The following LRP1B variants were observed in gnomAD, a reference collection of about 807,000 sequenced individuals.
The protein encoded by LRP1B is LDL receptor related protein 1B, also known as low-density lipoprotein receptor-related protein 1B.
LRP1B carries 217 observed loss-of-function variants against 556.6 expected under a neutral mutation model. That is an observed-to-expected ratio of 0.39 (90% CI 0.35 to 0.44). The LOEUF is 0.44. Among genes scored for constraint, LRP1B ranks in the 20% least tolerant of loss-of-function variants. The probability of loss-of-function intolerance (pLI) is 1.00; values close to 1 mark genes in which losing one functional copy is unlikely to be tolerated. For missense variants in LRP1B, 5,053 were observed against 5,620.8 expected, an observed-to-expected ratio of 0.90 and a Z score of 3.23; for synonymous variants, 2,047 against 1,865.8, an observed-to-expected ratio of 1.10 and a Z score of -2.50.
chr2:142,107,442 G>C lies in LRP1B; in HGVS notation c.82+23206C>G, dbSNP rs570451646. Among the ~76,000 whole-genome samples the C allele has an allele frequency of 7.2e-4, 109 of 152,086 alleles. 1 individual carries two copies. The highest frequency in any genetic ancestry group is 1.0e-3 in the Non-Finnish European group (69 of 67,972). The stretch of plus-strand genomic sequence containing the variant: ...TTTGCACCTCTGCCTTCTGCTATGG[G>C]CTGACGCAGCAAAAGGGCCCCACCA... On this transcript the variant is annotated intron_variant, in intron 1 of 90. Transcript: ENST00000389484.
At chr2:140,816,122 T>G (rs1358624776) in intron 31 of LRP1B, among the ~76,000 whole-genome samples, 2 of 152,204 alleles carry the variant, frequency 1.3e-5, no homozygotes, top group African/African-American at 4.8e-5. Flanking sequence ...ACTGAATTTT[T>G]TTTTTTCTTT....
intron 18 of LRP1B, among the ~76,000 whole-genome samples, chr2:140,954,374 C>G (rs1695812114): frequency 6.6e-6 from 1 of 151,988 alleles, no homozygotes; most frequent in Admixed American, 6.6e-5. Context: ...ATGATGAGAT[C>G]TAATCTTTAA....
intron 3 of LRP1B, among the ~76,000 whole-genome samples, chr2:141,296,419 A>G (rs1019095119): frequency 2.6e-5 from 4 of 152,228 alleles, no homozygotes; most frequent in African/African-American, 9.6e-5. Context: ...TAGGTCACAG[A>G]CATTTTGTAG....
At chr2:141,800,482 A>G (rs1286907612) in intron 2 of LRP1B, among the ~76,000 whole-genome samples, 1 of 152,292 alleles carries the variant, frequency 6.6e-6, no homozygotes, top group Non-Finnish European at 1.5e-5. Flanking sequence ...TCTTCAAGAT[A>G]ATTTATTTCC....
chr2:141,126,049 T>TC lies in LRP1B; in HGVS notation c.1013+62371_1013+62372insG, dbSNP rs545455980. Reference sequence around the variant, plus strand: ...CTTTCTTCCTTTTATTTTTTTTTTTTTGAGGCAGAGTCTGGCTCTGTCGCC... The same window carrying TC: ...CTTTCTTCCTTTTATTTTTTTTTTTTCTGAGGCAGAGTCTGGCTCTGTCGCC... On this transcript the variant is annotated intron_variant, in intron 7 of 90. Coordinates refer to ENST00000389484, the MANE Select transcript of LRP1B (RefSeq NM_018557.3). Among the ~76,000 whole-genome samples the TC allele has an allele frequency of 8.3e-4, 126 of 151,762 alleles. 2 individuals are homozygous for TC. In the East Asian group the frequency reaches 0.015, roughly 18 times the overall value.
At chr2:141,292,334 C>T (rs74521358) in intron 3 of LRP1B, among the ~76,000 whole-genome samples, 62 of 152,272 alleles carry the variant, frequency 4.1e-4, no homozygotes, top group African/African-American at 1.5e-3. Context: ...CCGTGATAGG[C>T]ATCTAGGGTG....
At chr2:141,692,145 A>G (rs1286157813) in intron 2 of LRP1B, among the ~76,000 whole-genome samples, 1 of 151,994 alleles carries the variant, frequency 6.6e-6, no homozygotes, top group Non-Finnish European at 1.5e-5. Flanking sequence ...TACTCCCTCC[A>G]TTGATTTTTC....
chr2:141,865,910 CAT>C (rs1396716975), intron 1 of LRP1B, among the ~76,000 whole-genome samples: 4 of 152,210 alleles, frequency 2.6e-5, no homozygotes, highest in African/African-American at 9.7e-5. Context: ...CCCAACAAAA[CAT>C]GTTGTGTTCT....
chr2:141,619,389 A>T (rs1199615456), intron 2 of LRP1B, among the ~76,000 whole-genome samples: 1 of 152,228 alleles, frequency 6.6e-6, no homozygotes, highest in Non-Finnish European at 1.5e-5. Context: ...TGGGCTTGAT[A>T]AATGTTTGTT....
At chr2:140,803,576 G>C (rs888490784) in intron 32 of LRP1B, among the ~76,000 whole-genome samples, 1 of 151,982 alleles carries the variant, frequency 6.6e-6, no homozygotes, top group Non-Finnish European at 1.5e-5. Context: ...GGGATTACAG[G>C]CATGAGCCAC....
intron 1 of LRP1B, among the ~76,000 whole-genome samples, chr2:142,062,873 A>C (rs1704972874): frequency 1.3e-5 from 2 of 151,720 alleles, no homozygotes; most frequent in Non-Finnish European, 2.9e-5. Flanking sequence ...TGCTCAATAT[A>C]TTCAAATCAA....
intron 18 of LRP1B, among the ~76,000 whole-genome samples, chr2:140,959,218 A>C (rs1166996199): frequency 6.6e-6 from 1 of 151,688 alleles, no homozygotes; most frequent in Non-Finnish European, 1.5e-5. Context: ...AGAATGTAAG[A>C]ATTAATGTGA....
intron 83 of LRP1B, among the ~76,000 whole-genome samples, chr2:140,312,361 A>T (rs922930919): frequency 2.0e-5 from 3 of 151,930 alleles, no homozygotes; most frequent in Admixed American, 2.0e-4. Context: ...CATTCCTCTA[A>T]ATCAACTGGG....
chr2:140,959,446 T>C (rs1695970360), intron 18 of LRP1B, among the ~76,000 whole-genome samples: 1 of 151,620 alleles, frequency 6.6e-6, no homozygotes, highest in Admixed American at 6.6e-5. Context: ...TATCTAACAA[T>C]GATAATTCTC....
intron 3 of LRP1B, among the ~76,000 whole-genome samples, chr2:141,338,029 C>G (rs952443852): frequency 2.0e-5 from 3 of 152,122 alleles, no homozygotes; most frequent in Non-Finnish European, 4.4e-5. Context: ...AGGCAATCAA[C>G]CTGGTTCAGG....
intron 84 of LRP1B, among the ~76,000 whole-genome samples, chr2:140,284,692 G>T (rs1369418697): frequency 6.8e-6 from 1 of 147,920 alleles, no homozygotes; most frequent in African/African-American, 2.5e-5. Flanking sequence ...TTGAAGCAAC[G>T]ATTTCTGATA....
At chr2:140,854,223 T>C (rs1359943055) in intron 27 of LRP1B, among the ~76,000 whole-genome samples, 1 of 152,164 alleles carries the variant, frequency 6.6e-6, no homozygotes, top group African/African-American at 2.4e-5. Context: ...TGGTAGGTAC[T>C]TGAATTTCAC....
intron 3 of LRP1B, among the ~76,000 whole-genome samples, chr2:141,304,706 G>T (rs1239387877): frequency 6.6e-6 from 1 of 151,184 alleles, no homozygotes; most frequent in Admixed American, 6.6e-5. Flanking sequence ...TCACCATGTT[G>T]GCCAGTCTGG....
chr2:141,652,803 C>T (rs1230776561), intron 2 of LRP1B, among the ~76,000 whole-genome samples: 1 of 152,142 alleles, frequency 6.6e-6, no homozygotes, highest in East Asian at 1.9e-4. Flanking sequence ...CTTCATGAAT[C>T]TCATGGCCTC....
Sources: allele counts gnomAD v4.1 joint callset (sites outside exome capture counted in the v4.1 genomes callset), GRCh38; gene constraint gnomAD v4.1.1; transcripts MANE v1.5; gene names NCBI Gene and HGNC (gene_info 2026-07-23, HGNC 2026-07-21).